Variants in VTN observed in about 807,000 individuals in gnomAD.
VTN encodes complement S-protein.
Under a neutral mutation model 55.9 loss-of-function variants are expected in VTN, and 45 were observed. The observed-to-expected ratio is 0.80, with a 90% CI of 0.63 to 1.03. VTN has a LOEUF of 1.03. Ranked by LOEUF, VTN falls within the 50% of genes least tolerant of loss-of-function variation. The probability of loss-of-function intolerance (pLI) is 0.00; values close to 1 mark genes in which losing one functional copy is unlikely to be tolerated. For synonymous variants in VTN, 238 were observed against 242.3 expected (o/e 0.98, Z 0.17); for missense variants, 589 against 638.2 (o/e 0.92, Z 0.83).
At position 28,369,685 on chromosome 17, in the gene VTN, T is replaced by C. The variant is rs2067936281; in HGVS notation, c.351A>G (p.Lys117=). 1 of 1,613,702 alleles carries C rather than the reference T, an allele frequency of 6.2e-7. No homozygotes were observed. The highest frequency in any genetic ancestry group is 8.5e-7 in the Non-Finnish European group (1 of 1,179,968). The change falls in exon 3 of 8, where the codon AAA becomes AAG. Residue 117 remains lysine (K), a synonymous_variant. Coordinates refer to ENST00000226218, the MANE Select transcript of VTN (RefSeq NM_000638.4). The surrounding 1 kb of genome is among the most constrained non-coding windows in gnomAD (Gnocchi z 5.3). ...KGNPEQTPVL[K]PEEEAPAPEV... ...CAGGCGCAGGGGCCTCTTCCTCAGG[T>C]TTCAGAACAGGTGTCTGCTCAGGAT...
At position 28,367,719 on chromosome 17, in the gene VTN, A is replaced by AGAG; in HGVS notation, c.1317_1319dup (p.Ser440dup). 6.2e-7 allele frequency: 1 copy of AGAG among 1,607,720 alleles called. No homozygotes were observed. Among genetic ancestry groups the AGAG allele is most frequent in the South Asian group, 1.1e-5 (1 of 90,988 alleles). On this transcript the variant is annotated inframe_insertion, in exon 7 of 8. Transcript: ENST00000226218. ...AGGGGTGGCAGCGGCTCCTACCTCC[A>AGAG]GAGAAGAAGAAGACACTCTGGATGG... is the stretch of plus-strand genomic sequence containing the variant.
At position 28,370,252 on chromosome 17, in the gene VTN, G is replaced by A; in HGVS notation, c.-49C>T. On this transcript the variant is annotated 5_prime_UTR_variant, in exon 1 of 8. Coordinates refer to ENST00000226218, the MANE Select transcript of VTN (RefSeq NM_000638.4). ...TGGCAAGCTGGGCTCTGGTCTCCCTGAAGTCTCCGCTCTGATGCCTGAGGA... is the reference window on the plus strand; with the variant it reads ...TGGCAAGCTGGGCTCTGGTCTCCCTAAAGTCTCCGCTCTGATGCCTGAGGA... The A allele has an allele frequency of 6.3e-7, 1 of 1,578,500 alleles. No individual in the cohort carries two copies.
chr17:28,369,892 G>T lies in VTN; in HGVS notation c.184+35C>A. 2 of 1,612,390 alleles carry T rather than the reference G, an allele frequency of 1.2e-6. No homozygotes were observed. The highest frequency in any genetic ancestry group is 8.5e-7 in the Non-Finnish European group (1 of 1,178,770). On this transcript the variant is annotated intron_variant, in intron 2 of 7. Coordinates refer to ENST00000226218, the MANE Select transcript of VTN (RefSeq NM_000638.4). This position sits in a 1 kb window ranked among gnomAD's most constrained non-coding sequence, Gnocchi z 5.3. Reference sequence around the variant, plus strand: ...GGTAGTGAGTCTCCAGCAGCAGGGGGCACCCCAGCCCACCCACCTGGGCTC... The same window carrying T: ...GGTAGTGAGTCTCCAGCAGCAGGGGTCACCCCAGCCCACCCACCTGGGCTC...
In VTN at chr17:28,367,490, G is replaced by A; in HGVS notation, c.1325-9C>T. 1 of 1,610,154 alleles carries A rather than the reference G, an allele frequency of 6.2e-7. No homozygotes were observed. The highest frequency in any genetic ancestry group is 2.2e-5 in the East Asian group (1 of 44,844). On this transcript the variant is annotated splice_polypyrimidine_tract_variant and intron_variant, in intron 7 of 7. Transcript: ENST00000226218. ...GACTCGGTAGTACTTGTCTGGAAGA[G>A]AGGAAAGCAGAGGATGCGTGAGGCC...
In VTN at chr17:28,370,062, G is replaced by T. The variant is rs782230797; in HGVS notation, c.65-16C>A. The T allele has an allele frequency of 1.2e-6, 2 of 1,614,110 alleles. No homozygotes were observed. The highest frequency in any genetic ancestry group is 2.2e-5 in the South Asian group (2 of 91,084). ...TTGCATGACTCTATGAGGAAGGAGT[G>T]TCAGTCGGTGCCACCAAGCCCAGAC... On this transcript the variant is annotated splice_polypyrimidine_tract_variant and intron_variant, in intron 1 of 7. Coordinates refer to ENST00000226218, the MANE Select transcript of VTN (RefSeq NM_000638.4).
In VTN at chr17:28,367,897, G is replaced by A; in HGVS notation, c.1142C>T (p.Ser381Leu). 1 of 1,613,348 alleles carries A rather than the reference G, an allele frequency of 6.2e-7. No individual in the cohort carries two copies. Among genetic ancestry groups the A allele is most frequent in the Non-Finnish European group, 8.5e-7 (1 of 1,179,658 alleles). ...GCGGCCACGGCTGTGGCCTCGTTGT[G>A]AACGGTAGCCTTTGCGGTTGCGATG... is the stretch of plus-strand genomic sequence containing the variant. ...FRHRNRKGYRSQRGHSRGRNQ... is the reference protein window; with the variant it reads ...FRHRNRKGYRLQRGHSRGRNQ... Residue 381 changes from serine to leucine, a missense_variant, in exon 7 of 8, where the codon TCA becomes TTA. Coordinates refer to ENST00000226218, the MANE Select transcript of VTN (RefSeq NM_000638.4).
In VTN at chr17:28,367,380, C is replaced by G. The variant is rs1252996829; in HGVS notation, c.1426G>C (p.Gly476Arg). 1 of 1,591,994 alleles carries G rather than the reference C, an allele frequency of 6.3e-7. No homozygotes were observed. Among genetic ancestry groups the G allele is most frequent in the African/African-American group, 1.4e-5 (1 of 73,942 alleles). The change falls in exon 8 of 8, where the codon GGC becomes CGC. Residue 476 changes from glycine (G) to arginine (R), a missense_variant. Physicochemically the swap from Gly to Arg is moderately radical, Grantham distance 125. Transcript: ENST00000226218. Reference protein sequence around the residue: ...AQYWLGCPAPGHL With the variant: ...AQYWLGCPAPRHL ...GTGGGCTCTGACTCCTACAGATGGC[C>G]AGGAGCTGGGCAGCCCAGCCAGTAC...
chr17:28,368,418 G>A (rs568555939), intron 6 of VTN, 103 bp downstream of exon 6: 19 of 1,487,532 alleles, frequency 1.3e-5, no homozygotes, highest in Middle Eastern at 2.3e-4. Flanking sequence ...GACTTTGATC[G>A]ATAGCTCCAC....
At position 28,369,379 on chromosome 17, in the gene VTN, G is replaced by A. The variant is rs782610146; in HGVS notation, c.579C>T (p.Pro193=). The change falls in exon 4 of 8, where the codon CCC becomes CCT. Residue 193 remains proline, a synonymous_variant. Coordinates refer to ENST00000226218, the MANE Select transcript of VTN (RefSeq NM_000638.4). The surrounding 1 kb of genome is among the most constrained non-coding windows in gnomAD (Gnocchi z 5.3). ...TGCCCCAGACATCTCGGATGAGCTTGGGGTACCCAGGCCTCACTGCCTTTT... is the reference window on the plus strand; with the variant it reads ...TGCCCCAGACATCTCGGATGAGCTTAGGGTACCCAGGCCTCACTGCCTTTT... The part of the protein sequence containing the change: ...LDEKAVRPGY[P]KLIRDVWGIE... 7.5e-6 allele frequency: 12 copies of A among 1,606,238 alleles called. No individual in the cohort carries two copies. The South Asian group carries it at 1.2e-4, about 16-fold the overall frequency.
In VTN at chr17:28,367,709, T is replaced by A. The variant is rs782089388; in HGVS notation, c.1324+6A>T. ...GACCAGCTTCAGGGGTGGCAGCGGC[T>A]CCTACCTCCAGAGAAGAAGAAGACA... is the stretch of plus-strand genomic sequence containing the variant. On this transcript the variant is annotated splice_donor_region_variant and intron_variant, in intron 7 of 7. Coordinates refer to ENST00000226218, the MANE Select transcript of VTN (RefSeq NM_000638.4). The A allele has an allele frequency of 1.9e-6, 3 of 1,605,268 alleles. No homozygotes were observed. The East Asian group carries it at 6.7e-5, about 36-fold the overall frequency.
chr17:28,369,946 C>T lies in VTN; in HGVS notation c.165G>A (p.Thr55=), dbSNP rs375142533. 1.2e-4 allele frequency: 195 copies of T among 1,613,974 alleles called. 2 individuals carry two copies. The Middle Eastern group carries it at 1.5e-3, about 12-fold the overall frequency. The change falls in exon 2 of 8, where the codon ACG becomes ACA. Residue 55 remains threonine (T), a synonymous_variant. Transcript: ENST00000226218. The surrounding 1 kb of genome is among the most constrained non-coding windows in gnomAD (Gnocchi z 5.3). ...ACACACCTTGGGGCTTGCACTCAGC[C>T]GTATAGTCTGTGCAGCAGCTCTGGT... ...SYYQSCCTDY[T]AECKPQVTRG...
intron 6 of VTN, 84 bp downstream of exon 6, chr17:28,368,436 GC>G (rs1452533548): frequency 6.5e-7 from 1 of 1,549,106 alleles, no homozygotes; most frequent in East Asian, 2.3e-5. Flanking sequence ...CACAACCACA[GC>G]CCCCTCCAGC....
Position 28,368,080 on chromosome 17 carries a change from A to G in VTN, c.980-21T>C, listed in dbSNP as rs1306304877. The G allele has an allele frequency of 4.5e-6, 7 of 1,550,524 alleles. No individual in the cohort carries two copies. The African/African-American group carries it at 8.2e-5, about 18-fold the overall frequency. ...ACCAGCTGTGGCAGGGAAGGGGTGA[A>G]TGAGAGGTCTTGGGGGTCCGAATCT... On this transcript the variant is annotated intron_variant, in intron 6 of 7. Transcript: ENST00000226218.
chr17:28,369,677 TCCTC>T lies in VTN; in HGVS notation c.355_358del (p.Glu119LysfsTer16). 6.2e-7 allele frequency: 1 copy of T among 1,613,792 alleles called. No individual in the cohort carries two copies. Among genetic ancestry groups the T allele is most frequent in the South Asian group, 1.1e-5 (1 of 91,076 alleles). On this transcript the variant is annotated frameshift_variant, in exon 3 of 8. Coordinates refer to ENST00000226218, the MANE Select transcript of VTN (RefSeq NM_000638.4). LOFTEE classifies it high-confidence loss of function. This position sits in a 1 kb window ranked among gnomAD's most constrained non-coding sequence, Gnocchi z 5.3. The stretch of plus-strand genomic sequence containing the variant: ...GCCCACCTCAGGCGCAGGGGCCTCT[TCCTC>T]AGGTTTCAGAACAGGTGTCTGCTCA...
chr17:28,367,639 C>T (rs909274422), intron 7 of VTN, 76 bp downstream of exon 7: 14 of 1,491,628 alleles, frequency 9.4e-6, no homozygotes, highest in Admixed American at 5.5e-5. Context: ...TTGCAGGCTG[C>T]GTTCAGCCCT....
chr17:28,369,435 TGGA>T lies in VTN; in HGVS notation c.530-10_530-8del. On this transcript the variant is annotated splice_region_variant and splice_polypyrimidine_tract_variant and intron_variant, in intron 3 of 7. Transcript: ENST00000226218. The surrounding 1 kb of genome is among the most constrained non-coding windows in gnomAD (Gnocchi z 5.3). ...AGTTCATAGCAGTACTGCCCTAGAG[TGGA>T]GGAGATGGTGTGAGAGCAGGGACGC... 1 of 1,589,198 alleles carries T rather than the reference TGGA, an allele frequency of 6.3e-7. No homozygotes were observed. The highest frequency in any genetic ancestry group is 8.6e-7 in the Non-Finnish European group (1 of 1,164,664).
chr17:28,369,194 C>G lies in VTN; in HGVS notation c.669+95G>C. ...GAGCTCCCACCAGGTCCTGCAGGGC[C>G]CTGGGTCCAGCTTCCCTGTCCACCC... On this transcript the variant is annotated intron_variant, in intron 4 of 7. Transcript: ENST00000226218. This position sits in a 1 kb window ranked among gnomAD's most constrained non-coding sequence, Gnocchi z 5.3. 6.6e-7 allele frequency: 1 copy of G among 1,514,260 alleles called. No homozygotes were observed. Among genetic ancestry groups the G allele is most frequent in the East Asian group, 2.3e-5 (1 of 43,858 alleles). The allele number at this position is 1,514,260 out of a possible 1,614,324, so 93.8% of individuals were successfully genotyped here. A position where few individuals can be genotyped will look rare whatever the true frequency, so the allele number is the denominator to read the frequency against.
Position 28,369,426 on chromosome 17 carries a change from G to A in VTN, c.532C>T (p.Gln178Ter), listed in dbSNP as rs781994059. The part of the protein sequence containing the change: ...KNGSLFAFRG[Q>*]YCYELDEKAV... The stretch of plus-strand genomic sequence containing the variant: ...TTTTCGTCCAGTTCATAGCAGTACT[G>A]CCCTAGAGTGGAGGAGATGGTGTGA... The change falls in exon 4 of 8, where the codon CAG (glutamine) becomes TAG (stop). Residue 178 changes from glutamine to a stop codon, truncating the protein, a stop_gained and splice_region_variant. Transcript: ENST00000226218. LOFTEE classifies it high-confidence loss of function. The surrounding 1 kb of genome is among the most constrained non-coding windows in gnomAD (Gnocchi z 5.3). 6.3e-7 allele frequency: 1 copy of A among 1,592,638 alleles called. No homozygotes were observed. The highest frequency in any genetic ancestry group is 8.6e-7 in the Non-Finnish European group (1 of 1,166,106).
In VTN at chr17:28,369,744, G is replaced by A. The variant is rs1200917710; in HGVS notation, c.292C>T (p.Leu98=). The stretch of plus-strand genomic sequence containing the variant: ...GACTGGGCCTGGAGGTCAGAGGTCA[G>A]GGAGGGGCCCCCCACCTGTTCATGG... The part of the protein sequence containing the change: ...TVHEQVGGPS[L]TSDLQAQSKG... Residue 98 remains leucine (L), a synonymous_variant, in exon 3 of 8, where the codon CTG becomes TTG. Transcript: ENST00000226218. The surrounding 1 kb of genome is among the most constrained non-coding windows in gnomAD (Gnocchi z 5.3). 1 of 1,613,982 alleles carries A rather than the reference G, an allele frequency of 6.2e-7. No individual in the cohort carries two copies.
Sources: allele counts gnomAD v4.1 joint callset, GRCh38; gene constraint gnomAD v4.1.1; non-coding constraint Gnocchi (gnomAD v3.1); transcripts MANE v1.5; gene names NCBI Gene and HGNC (gene_info 2026-07-23, HGNC 2026-07-21).